Variants in PNLIP observed in about 807,000 individuals in gnomAD.
The protein encoded by PNLIP is pancreatic triacylglycerol lipase.
In PNLIP, 49 loss-of-function variants were observed where a neutral mutation model predicts 57.1. That is an observed-to-expected ratio of 0.86 (90% CI 0.68 to 1.09). The LOEUF is 1.09. Among genes scored for constraint, PNLIP ranks in the 50% least tolerant of loss-of-function variants. PNLIP has a pLI of 0.00. For synonymous variants in PNLIP, 209 were observed against 200.4 expected, an observed-to-expected ratio of 1.04 and a Z score of -0.36; for missense variants, 503 against 570.2, an observed-to-expected ratio of 0.88 and a Z score of 1.20.
chr10:116,567,488 T>C (rs910617517), intron 12 of PNLIP, among the ~76,000 whole-genome samples: 1 of 152,200 alleles, frequency 6.6e-6, no homozygotes, highest in African/African-American at 2.4e-5. Context: ...CAAATGAGTC[T>C]TTCTTTTTCT....
chr10:116,555,298 G>A lies in PNLIP; in HGVS notation c.691+1G>A. ...GGTGCCCCCATAGTCCCCAATTTGG[G>A]TGAGTTCCTCAACCCGTCCCCCAAA... On this transcript the variant is annotated splice_donor_variant, in intron 7 of 12. Coordinates refer to ENST00000369221, the MANE Select transcript of PNLIP (RefSeq NM_000936.4). LOFTEE classifies it high-confidence loss of function. 1.2e-6 allele frequency: 2 copies of A among 1,614,156 alleles called. No individual in the cohort carries two copies. Among genetic ancestry groups the A allele is most frequent in the South Asian group, 1.1e-5 (1 of 91,074 alleles).
At chr10:116,551,348 G>T in intron 5 of PNLIP, 116 bp downstream of exon 5, 1 of 656,580 alleles carries the variant, frequency 1.5e-6, no homozygotes. Context: ...TCTCTACTCA[G>T]ATATGATGTT....
intron 5 of PNLIP, among the ~76,000 whole-genome samples, chr10:116,552,648 AG>A (rs1847206532): frequency 6.6e-6 from 1 of 152,158 alleles, no homozygotes; most frequent in South Asian, 2.1e-4. Context: ...GCACTTTGGG[AG>A]GCCGAGGCGG....
At position 116,561,465 on chromosome 10, in the gene PNLIP, T is replaced by TGC. The variant is rs1847314499; in HGVS notation, c.1170-7_1170-6insGC. ...TGTATGTTTTTGTTAACTTCTTAAA[T>TGC]CCTTAGGGGCACTCTCAAACCAGAT... On this transcript the variant is annotated splice_polypyrimidine_tract_variant and splice_region_variant and intron_variant, in intron 11 of 12. Coordinates refer to ENST00000369221, the MANE Select transcript of PNLIP (RefSeq NM_000936.4). 6.2e-7 allele frequency: 1 copy of TGC among 1,605,814 alleles called. No individual in the cohort carries two copies. Among genetic ancestry groups the TGC allele is most frequent in the Non-Finnish European group, 8.5e-7 (1 of 1,176,352 alleles).
chr10:116,552,759 G>A (rs1285280804), intron 5 of PNLIP, among the ~76,000 whole-genome samples: 11 of 151,946 alleles, frequency 7.2e-5, no homozygotes, highest in Non-Finnish European at 1.6e-4. Context: ...GGTGGTGGGC[G>A]CCTGTAGTCC....
chr10:116,567,759 C>G lies in PNLIP; in HGVS notation c.1359C>G (p.Thr453=), dbSNP rs74568396. ...GGTTCAACTTCTGTAGTCCAGAAACCGTCAGGGAGGAAGTTCTGCTCACCC... is the reference window on the plus strand; with the variant it reads ...GGTTCAACTTCTGTAGTCCAGAAACGGTCAGGGAGGAAGTTCTGCTCACCC... ...GKQFNFCSPE[T]VREEVLLTLT... The change falls in exon 13 of 13, where the codon ACC becomes ACG. Residue 453 remains threonine, a synonymous_variant. Transcript: ENST00000369221. 1.2e-6 allele frequency: 2 copies of G among 1,613,764 alleles called. No individual in the cohort carries two copies. The highest frequency in any genetic ancestry group is 1.7e-6 in the Non-Finnish European group (2 of 1,179,814).
At chr10:116,553,604 T>C (rs2915749) in intron 5 of PNLIP, 123 bp from the exon 6 acceptor site, 619,037 of 695,592 alleles carry the variant, frequency 0.89, 277,160 homozygotes, top group Middle Eastern at 0.92. Flanking sequence ...TATGTAAATA[T>C]ACTTTATGAT....
At position 116,555,300 on chromosome 10, in the gene PNLIP, G is replaced by A; in HGVS notation, c.691+3G>A. 1 of 1,614,148 alleles carries A rather than the reference G, an allele frequency of 6.2e-7. No homozygotes were observed. Among genetic ancestry groups the A allele is most frequent in the Non-Finnish European group, 8.5e-7 (1 of 1,180,022 alleles). On this transcript the variant is annotated splice_donor_region_variant and intron_variant, in intron 7 of 12. Coordinates refer to ENST00000369221, the MANE Select transcript of PNLIP (RefSeq NM_000936.4). ...TGCCCCCATAGTCCCCAATTTGGGT[G>A]AGTTCCTCAACCCGTCCCCCAAAGG...
chr10:116,552,853 T>A (rs1847209392), intron 5 of PNLIP, among the ~76,000 whole-genome samples: 1 of 151,912 alleles, frequency 6.6e-6, no homozygotes, highest in Non-Finnish European at 1.5e-5. Context: ...GCCACTGCAC[T>A]CCAGCCTGGG....
intron 12 of PNLIP, among the ~76,000 whole-genome samples, chr10:116,566,502 GGT>G (rs971080486): frequency 4.7e-4 from 72 of 152,002 alleles, no homozygotes; most frequent in Non-Finnish European, 9.3e-4. Context: ...TGGCTTCAGA[GGT>G]GTGTGTGTGT....
In PNLIP at chr10:116,555,317, C is replaced by T. The variant is rs904424487; in HGVS notation, c.691+20C>T. On this transcript the variant is annotated intron_variant, in intron 7 of 12. Transcript: ENST00000369221. The stretch of plus-strand genomic sequence containing the variant: ...ATTTGGGTGAGTTCCTCAACCCGTC[C>T]CCCAAAGGGTGTTATAGTGTCTGAG... 6.2e-7 allele frequency: 1 copy of T among 1,614,098 alleles called. No homozygotes were observed. Among genetic ancestry groups the T allele is most frequent in the African/African-American group, 1.3e-5 (1 of 75,024 alleles).
chr10:116,552,678 A>G (rs1158639046), intron 5 of PNLIP, among the ~76,000 whole-genome samples: 1 of 152,088 alleles, frequency 6.6e-6, no homozygotes, highest in East Asian at 1.9e-4. Flanking sequence ...TGAGGTCAGG[A>G]GATGGAGACC....
chr10:116,566,999 TCTTC>T (rs941592500), intron 12 of PNLIP, among the ~76,000 whole-genome samples: 110 of 150,042 alleles, frequency 7.3e-4, no homozygotes, highest in African/African-American at 2.3e-3. Context: ...TCCCTTCCTT[TCTTC>T]CTTCCTTCCT....
chr10:116,555,658 G>A, intron 8 of PNLIP, 151 bp downstream of exon 8: 2 of 885,090 alleles, frequency 2.3e-6, no homozygotes, highest in Non-Finnish European at 1.7e-6. Flanking sequence ...GGTTTTCACT[G>A]GGATAAGTGG....
intron 9 of PNLIP, among the ~76,000 whole-genome samples, chr10:116,556,729 G>A (rs1589557249): frequency 6.6e-6 from 1 of 151,274 alleles, no homozygotes; most frequent in Non-Finnish European, 1.5e-5. Flanking sequence ...CTATTGTCTG[G>A]GTTTTTTTTT....
At chr10:116,558,917 G>A (rs2915774) in intron 9 of PNLIP, among the ~76,000 whole-genome samples, 117,829 of 152,074 alleles carry the variant, frequency 0.77, 46,241 homozygotes, top group Non-Finnish European at 0.84. Context: ...GAGCCACCAC[G>A]CCCGGCTCGT....
intron 12 of PNLIP, among the ~76,000 whole-genome samples, chr10:116,565,736 G>C (rs1847359703): frequency 6.6e-6 from 1 of 152,102 alleles, no homozygotes; most frequent in African/African-American, 2.4e-5. Context: ...CGCTGAGTCA[G>C]CGATTTTGGT....
At chr10:116,552,778 C>T (rs1350820334) in intron 5 of PNLIP, among the ~76,000 whole-genome samples, 1 of 151,788 alleles carries the variant, frequency 6.6e-6, no homozygotes, top group African/African-American at 2.4e-5. Flanking sequence ...CCCAGCTACT[C>T]GGGAGGCTGA....
At chr10:116,556,147 A>G (rs749038158) in intron 9 of PNLIP, 29 bp downstream of exon 9, 64 of 1,293,136 alleles carry the variant, frequency 4.9e-5, no homozygotes, top group Non-Finnish European at 6.4e-5. Context: ...CCGCATAAAG[A>G]ATTTTGTGAC....
Sources: allele counts gnomAD v4.1 joint callset (sites outside exome capture counted in the v4.1 genomes callset), GRCh38; gene constraint gnomAD v4.1.1; transcripts MANE v1.5; gene names NCBI Gene and HGNC (gene_info 2026-07-23, HGNC 2026-07-21).